The following RBFOX1 variants were observed in gnomAD, a reference collection of about 807,000 sequenced individuals.
RBFOX1 encodes RNA binding fox-1 homolog 1.
RBFOX1 carries 8 observed loss-of-function variants against 57.7 expected under a neutral mutation model. The ratio of observed to expected loss-of-function variants is 0.14; its 90% CI spans 0.08 to 0.25. The LOEUF (loss-of-function observed/expected upper bound fraction) is 0.25, where lower values mean the gene tolerates loss of function less well. Among genes scored for constraint, RBFOX1 ranks in the 10% least tolerant of loss-of-function variants. The pLI is 1.00. For synonymous variants in RBFOX1, 326 were observed against 222.4 expected (o/e 1.47, Z -4.15); for missense variants, 611 against 548.5 (o/e 1.11, Z -1.14).
chr16:6,284,628 G>T (rs1201670185), intron 1 of RBFOX1, among the ~76,000 whole-genome samples: 1 of 152,134 alleles, frequency 6.6e-6, no homozygotes, highest in Admixed American at 6.6e-5. Context: ...GAAAAGTTGG[G>T]TATACTTACA....
intron 12 of RBFOX1, among the ~76,000 whole-genome samples, chr16:7,657,218 A>G (rs1056834904): frequency 2.0e-5 from 3 of 152,188 alleles, no homozygotes; most frequent in African/African-American, 7.2e-5. Context: ...CCTTTATGGA[A>G]GCTTGGGTAA....
At chr16:7,084,161 G>A (rs1382691741) in intron 4 of RBFOX1, among the ~76,000 whole-genome samples, 1 of 152,196 alleles carries the variant, frequency 6.6e-6, no homozygotes, top group African/African-American at 2.4e-5. Flanking sequence ...GTGGTAAACA[G>A]GAGAGCATGA....
intron 2 of RBFOX1, among the ~76,000 whole-genome samples, chr16:6,632,911 A>C (rs1433471190): frequency 6.6e-6 from 1 of 152,202 alleles, no homozygotes; most frequent in Non-Finnish European, 1.5e-5. Context: ...TGCTGATGGG[A>C]AATTGTAAGC....
chr16:6,127,755 T>C (rs1198729896), intron 1 of RBFOX1, among the ~76,000 whole-genome samples: 10 of 152,204 alleles, frequency 6.6e-5, no homozygotes, highest in Non-Finnish European at 8.8e-5. Context: ...AAATGGGATG[T>C]TAATAACAAA....
chr16:5,442,943 A>G (rs1009254227), intron 1 of RBFOX1, among the ~76,000 whole-genome samples: 1 of 152,132 alleles, frequency 6.6e-6, no homozygotes, highest in Non-Finnish European at 1.5e-5. Context: ...GTAAGAAGAG[A>G]AGAAGACACA....
intron 3 of RBFOX1, among the ~76,000 whole-genome samples, chr16:5,769,784 C>G (rs982777391): frequency 6.6e-6 from 1 of 152,186 alleles, no homozygotes; most frequent in Non-Finnish European, 1.5e-5. Context: ...GAGGAGGAAT[C>G]AAACCTGTCA....
At chr16:7,275,213 C>G (rs555613223) in intron 4 of RBFOX1, among the ~76,000 whole-genome samples, 88 of 152,236 alleles carry the variant, frequency 5.8e-4, no homozygotes, top group African/African-American at 1.9e-3. Flanking sequence ...ACATCACATG[C>G]TACACTACTA....
chr16:6,784,605 G>A (rs2081603857), intron 3 of RBFOX1, among the ~76,000 whole-genome samples: 1 of 152,020 alleles, frequency 6.6e-6, no homozygotes, highest in Non-Finnish European at 1.5e-5. Context: ...GTATCTCTAG[G>A]ATTGATCACT....
At chr16:6,575,440 C>A (rs1249542089) in intron 2 of RBFOX1, among the ~76,000 whole-genome samples, 1 of 152,160 alleles carries the variant, frequency 6.6e-6, no homozygotes, top group African/African-American at 2.4e-5. Context: ...TTGATACAAA[C>A]AAGAGTTAAG....
intron 1 of RBFOX1, among the ~76,000 whole-genome samples, chr16:5,356,116 G>T (rs1366555001): frequency 2.0e-5 from 3 of 152,124 alleles, no homozygotes; most frequent in Non-Finnish European, 4.4e-5. Flanking sequence ...AAGACGTGAG[G>T]CATAGACAGG....
rs866504269 is a variant in RBFOX1 at position 6,497,292 on chromosome 16, C to G, written c.-63-157311C>G. Among the ~76,000 whole-genome samples the G allele has an allele frequency of 5.3e-5, 8 of 152,212 alleles. 1 individual carries two copies. The Middle Eastern group carries it at 0.01, about 194-fold the overall frequency. ...CCAGCTCTTCTCAGGTGGGCATTAG[C>G]TGGGATGTGTGGGTCAAAGATGCAG... On this transcript the variant is annotated intron_variant, in intron 2 of 15. Coordinates refer to ENST00000550418, the MANE Select transcript of RBFOX1 (RefSeq NM_018723.4).
intron 3 of RBFOX1, among the ~76,000 whole-genome samples, chr16:6,789,458 T>G (rs1328956888): frequency 1.3e-5 from 2 of 152,126 alleles, no homozygotes; most frequent in African/African-American, 4.8e-5. Context: ...GAAACACTAA[T>G]GGTGTCAAGT....
chr16:5,763,612 C>T (rs1483716223), intron 3 of RBFOX1, among the ~76,000 whole-genome samples: 2 of 152,220 alleles, frequency 1.3e-5, no homozygotes, highest in African/African-American at 4.8e-5. Context: ...CAAGGCAATC[C>T]GCCGGCCTCC....
chr16:5,728,280 A>C (rs1001245696), intron 3 of RBFOX1, among the ~76,000 whole-genome samples: 1 of 152,242 alleles, frequency 6.6e-6, no homozygotes, highest in Non-Finnish European at 1.5e-5. Flanking sequence ...TTTAGCCTAT[A>C]AAAAGAAGGA....
chr16:5,995,578 G>A lies in RBFOX1; in HGVS notation c.351+128243G>A, dbSNP rs562515250. Among the ~76,000 whole-genome samples the A allele has an allele frequency of 3.9e-5, 6 of 152,362 alleles. No homozygotes were observed. The South Asian group carries it at 6.2e-4, about 16-fold the overall frequency. On this transcript the variant is annotated intron_variant, in intron 4 of 19. Transcript: ENST00000641259. ...AATCTTTGTGCATCTAACTGTTGCT[G>A]TGAGGACTTAGCTGTAGAATTCAAT... is the stretch of plus-strand genomic sequence containing the variant.
At chr16:5,604,649 C>G (rs961232317), downstream of RBFOX1, among the ~76,000 whole-genome samples, 3 of 152,210 alleles carry the variant, frequency 2.0e-5, no homozygotes, top group African/African-American at 7.2e-5. Context: ...TGCCTACATG[C>G]TACTGATCAT....
chr16:6,912,269 A>G (rs1261717897), intron 3 of RBFOX1, among the ~76,000 whole-genome samples: 1 of 152,176 alleles, frequency 6.6e-6, no homozygotes, highest in Non-Finnish European at 1.5e-5. Context: ...GCATTGTTAA[A>G]ATGAAGGTTG....
At chr16:5,662,784 T>G (rs924672858) in intron 3 of RBFOX1, among the ~76,000 whole-genome samples, 3 of 152,356 alleles carry the variant, frequency 2.0e-5, no homozygotes, top group Middle Eastern at 6.8e-3. Context: ...TCGGGTTCAC[T>G]GTTTAGTCCC....
chr16:5,772,649 G>T (rs73527879), intron 3 of RBFOX1, among the ~76,000 whole-genome samples: 7,827 of 152,254 alleles, frequency 0.051, 595 homozygotes, highest in African/African-American at 0.17. Context: ...TATTCTGGAA[G>T]AAACAGGCAG....
Sources: allele counts gnomAD v4.1 joint callset (sites outside exome capture counted in the v4.1 genomes callset), GRCh38; gene constraint gnomAD v4.1.1; transcripts MANE v1.5; gene names NCBI Gene and HGNC (gene_info 2026-07-23, HGNC 2026-07-21).